PHLPP2: variants seen among roughly 807,000 people sequenced by gnomAD.
PHLPP2 encodes the protein PH domain and leucine rich repeat protein phosphatase 2.
PHLPP2 carries 66 observed loss-of-function variants against 124.9 expected under a neutral mutation model. The ratio of observed to expected loss-of-function variants is 0.53; its 90% CI spans 0.43 to 0.65. The LOEUF is 0.65. Among genes scored for constraint, PHLPP2 ranks in the 30% least tolerant of loss-of-function variants. The probability of loss-of-function intolerance (pLI) is 0.00; values close to 1 mark genes in which losing one functional copy is unlikely to be tolerated. For missense variants in PHLPP2, 1,685 were observed against 1,600.4 expected, an observed-to-expected ratio of 1.05 and a Z score of -0.90; for synonymous variants, 681 against 624.7, an observed-to-expected ratio of 1.09 and a Z score of -1.34.
intron 2 of PHLPP2, among the ~76,000 whole-genome samples, chr16:71,706,146 A>G (rs35390364): frequency 0.092 from 14,061 of 152,308 alleles, 931 homozygotes; most frequent in Middle Eastern, 0.19. Flanking sequence ...TATTTCTACT[A>G]CTGCTTTAAG....
At chr16:71,694,662 T>C (rs2045150666) in intron 3 of PHLPP2, among the ~76,000 whole-genome samples, 1 of 151,840 alleles carries the variant, frequency 6.6e-6, no homozygotes, top group African/African-American at 2.4e-5. Context: ...AACAGAAACA[T>C]GTACAAAAAT....
intron 3 of PHLPP2, among the ~76,000 whole-genome samples, chr16:71,696,860 G>A (rs2045176508): frequency 6.6e-6 from 1 of 151,882 alleles, no homozygotes; most frequent in Non-Finnish European, 1.5e-5. Flanking sequence ...TTTTGCCAGG[G>A]GTTAACACTG....
chr16:71,670,834 T>C (rs2044886446), intron 10 of PHLPP2, among the ~76,000 whole-genome samples: 1 of 151,878 alleles, frequency 6.6e-6, no homozygotes. Flanking sequence ...GGACTGGCCA[T>C]GAACAGAGGA....
intron 2 of PHLPP2, among the ~76,000 whole-genome samples, chr16:71,703,279 A>C (rs1037475108): frequency 6.6e-6 from 1 of 152,196 alleles, no homozygotes; most frequent in Non-Finnish European, 1.5e-5. Flanking sequence ...GGGGATCACA[A>C]AGAGCTTTTG....
chr16:71,651,376 CA>C (rs1340384021), intron 18 of PHLPP2, among the ~76,000 whole-genome samples: 1 of 151,188 alleles, frequency 6.6e-6, no homozygotes, highest in Non-Finnish European at 1.5e-5. Context: ...AAACATTATC[CA>C]AATTCTATAA....
chr16:71,701,265 CATCTATCTATCTATCTATCTATCT>C (rs61251526), intron 3 of PHLPP2, among the ~76,000 whole-genome samples: 29 of 149,982 alleles, frequency 1.9e-4, no homozygotes, highest in South Asian at 1.7e-3. Context: ...ATAACTAATT[CATCTATCTATCTATCTATCTATCT>C]ATCTATCTAT....
chr16:71,683,809 A>C (rs1179064433), intron 5 of PHLPP2, among the ~76,000 whole-genome samples: 1 of 151,462 alleles, frequency 6.6e-6, no homozygotes, highest in African/African-American at 2.4e-5. Context: ...TTTTTTTTTC[A>C]GACGGACTTT....
At chr16:71,705,271 C>A (rs1413643606) in intron 2 of PHLPP2, among the ~76,000 whole-genome samples, 2 of 152,158 alleles carry the variant, frequency 1.3e-5, no homozygotes, top group Admixed American at 1.3e-4. Context: ...TACCTGACCC[C>A]TACAGTTCAG....
Position 71,721,388 on chromosome 16 carries a change from T to C in PHLPP2, c.-7+2941A>G, listed in dbSNP as rs112579313. On this transcript the variant is annotated intron_variant, in intron 1 of 18. Transcript: ENST00000568954. ...TTCCAGTGCTTTCGGAGCCCAAGGT[T>C]AAGAGGATCACTTGAGGCCAGGAGT... 3.7e-3 allele frequency among the ~76,000 whole-genome samples: 563 copies of C among 152,198 alleles called. 2 individuals carry two copies. Among genetic ancestry groups the C allele is most frequent in the African/African-American group, 0.012 (508 of 41,520 alleles).
At chr16:71,683,736 A>C (rs2045025571) in intron 5 of PHLPP2, among the ~76,000 whole-genome samples, 1 of 152,222 alleles carries the variant, frequency 6.6e-6, no homozygotes. Context: ...AGGCCTAGAA[A>C]GGAAATTAAA....
intron 12 of PHLPP2, among the ~76,000 whole-genome samples, chr16:71,664,392 T>G (rs2044820582): frequency 6.6e-6 from 1 of 152,206 alleles, no homozygotes; most frequent in East Asian, 1.9e-4. Context: ...AACTGCCTAC[T>G]GAAAGGATGT....
chr16:71,713,267 TA>T (rs1211014089), intron 2 of PHLPP2, among the ~76,000 whole-genome samples: 1 of 152,204 alleles, frequency 6.6e-6, no homozygotes, highest in African/African-American at 2.4e-5. Context: ...CATTTCTATT[TA>T]AGAGCAAGTC....
chr16:71,676,759 T>G, intron 8 of PHLPP2, 110 bp from the exon 9 acceptor site: 1 of 800,178 alleles, frequency 1.2e-6, no homozygotes. Context: ...TGTTTACTTT[T>G]TTTTTTTGAG....
chr16:71,691,937 CAAAAA>C (rs576293602), intron 3 of PHLPP2, among the ~76,000 whole-genome samples: 1 of 147,764 alleles, frequency 6.8e-6, no homozygotes, highest in African/African-American at 2.5e-5. Flanking sequence ...GTCTTAAAAA[CAAAAA>C]AAAACAAAAC....
chr16:71,673,812 C>G (rs971638697), intron 9 of PHLPP2, among the ~76,000 whole-genome samples: 2 of 152,130 alleles, frequency 1.3e-5, no homozygotes, highest in African/African-American at 4.8e-5. Context: ...ATCTCCACAG[C>G]TAGGACTTAC....
At chr16:71,684,328 G>A (rs902154163) in intron 5 of PHLPP2, 148 bp downstream of exon 5, 2 of 660,302 alleles carry the variant, frequency 3.0e-6, no homozygotes, top group Admixed American at 2.6e-5. Context: ...GTTTCACCAT[G>A]TTGGTCAGAC....
At chr16:71,717,756 TCTCTA>T (rs1262231105) in intron 1 of PHLPP2, among the ~76,000 whole-genome samples, 2 of 152,184 alleles carry the variant, frequency 1.3e-5, no homozygotes, top group African/African-American at 2.4e-5. Flanking sequence ...AGCTCCGCAT[TCTCTA>T]CTCAGTGGAG....
chr16:71,717,471 T>C (rs1374682401), intron 1 of PHLPP2, among the ~76,000 whole-genome samples: 1 of 152,214 alleles, frequency 6.6e-6, no homozygotes, highest in Non-Finnish European at 1.5e-5. Flanking sequence ...AAATCCCTGC[T>C]ACAAGTGAGA....
At position 71,679,460 on chromosome 16, in the gene PHLPP2, A is replaced by G. The variant is rs775297692; in HGVS notation, c.966T>C (p.Ser322=). The change falls in exon 7 of 19, where the codon TCT becomes TCC. Residue 322 remains serine, a synonymous_variant. Coordinates refer to ENST00000568954, the MANE Select transcript of PHLPP2 (RefSeq NM_015020.3). ...AGGAAAGGTTGAGCTCAGTCAGGGT[A>G]GAGATCTCGCATAACAATATAGGAA... ...GLFPILLCEI[S]TLTELNLSCN... 1 of 1,606,916 alleles carries G rather than the reference A, an allele frequency of 6.2e-7. No homozygotes were observed. The highest frequency in any genetic ancestry group is 1.1e-5 in the South Asian group (1 of 90,902).
Sources: gnomAD v4.1 joint callset for allele counts (sites outside exome capture counted in the v4.1 genomes callset) on GRCh38, gnomAD v4.1.1 for gene constraint, MANE v1.5 for transcripts, NCBI Gene and HGNC (gene_info 2026-07-23, HGNC 2026-07-21) for gene names.